Variants in TMEM45A observed in about 807,000 individuals in gnomAD.
The protein encoded by TMEM45A is transmembrane protein 45A.
TMEM45A carries 25 observed loss-of-function variants against 32.0 expected under a neutral mutation model. The ratio of observed to expected loss-of-function variants is 0.78; its 90% CI spans 0.57 to 1.09. TMEM45A has a LOEUF of 1.09. Ranked by LOEUF, TMEM45A falls within the 50% of genes least tolerant of loss-of-function variation. The pLI is 0.00. For synonymous variants in TMEM45A, 122 were observed against 114.8 expected (o/e 1.06, Z -0.40); for missense variants, 302 against 325.0 (o/e 0.93, Z 0.54).
chr3:100,573,965 G>T (rs1452233092), intron 5 of TMEM45A: 1 of 152,152 alleles, frequency 6.6e-6, no homozygotes, highest in Non-Finnish European at 1.5e-5. Flanking sequence ...GATCATGGTG[G>T]ATAAGCTTTT....
intron 5 of TMEM45A, chr3:100,574,068 G>A (rs1468424178): frequency 6.6e-6 from 1 of 152,060 alleles, no homozygotes; most frequent in African/African-American, 2.4e-5. Flanking sequence ...TTCTTTTTTG[G>A]TTATGTCTCT....
intron 4 of TMEM45A, among the ~76,000 whole-genome samples, chr3:100,565,793 A>G (rs1267987891): frequency 1.3e-5 from 2 of 152,140 alleles, no homozygotes; most frequent in African/African-American, 4.8e-5. Flanking sequence ...TTCCTAACAT[A>G]ACATTAATAT....
At chr3:100,568,606 T>A (rs1706491757) in intron 4 of TMEM45A, among the ~76,000 whole-genome samples, 1 of 152,214 alleles carries the variant, frequency 6.6e-6, no homozygotes, top group Non-Finnish European at 1.5e-5. Flanking sequence ...TGAAAACTGA[T>A]CATTAAATGT....
At chr3:100,569,681 T>A (rs1396203211) in intron 5 of TMEM45A, among the ~76,000 whole-genome samples, 6 of 152,198 alleles carry the variant, frequency 3.9e-5, no homozygotes, top group Non-Finnish European at 2.9e-5. Context: ...CAATAAATAT[T>A]ATTGTCTTGT....
intron 1 of TMEM45A, among the ~76,000 whole-genome samples, chr3:100,544,344 C>T (rs900693557): frequency 6.6e-6 from 1 of 152,130 alleles, no homozygotes; most frequent in Admixed American, 6.6e-5. Context: ...GATATTTCTT[C>T]CCTTCTTTTC....
intron 4 of TMEM45A, among the ~76,000 whole-genome samples, chr3:100,565,854 C>G (rs1706423098): frequency 6.6e-6 from 1 of 152,012 alleles, no homozygotes. Context: ...ATGTTGTGCC[C>G]CCATCAGCTC....
At chr3:100,493,844 G>T (rs1207286695) in intron 1 of TMEM45A, among the ~76,000 whole-genome samples, 3 of 152,190 alleles carry the variant, frequency 2.0e-5, no homozygotes, top group African/African-American at 7.2e-5. Context: ...TGATTCTCCT[G>T]ACTCAGCCTC....
At chr3:100,526,588 A>C (rs1705549992) in intron 1 of TMEM45A, among the ~76,000 whole-genome samples, 1 of 152,222 alleles carries the variant, frequency 6.6e-6, no homozygotes, top group African/African-American at 2.4e-5. Context: ...ATGAGGCTAA[A>C]AGTAATTTGT....
chr3:100,563,751 G>T (rs570048619), intron 4 of TMEM45A, among the ~76,000 whole-genome samples: 167 of 152,268 alleles, frequency 1.1e-3, no homozygotes, highest in African/African-American at 3.7e-3. Flanking sequence ...TCTTCCGGGG[G>T]CTTCAGGGAC....
chr3:100,510,059 T>C (rs1363695838), intron 1 of TMEM45A, among the ~76,000 whole-genome samples: 2 of 152,138 alleles, frequency 1.3e-5, no homozygotes, highest in Non-Finnish European at 2.9e-5. Context: ...CCCGCCATTG[T>C]CCAGGCTTGC....
At chr3:100,533,680 C>T (rs1576275095) in intron 1 of TMEM45A, among the ~76,000 whole-genome samples, 1 of 152,072 alleles carries the variant, frequency 6.6e-6, no homozygotes, top group East Asian at 1.9e-4. Flanking sequence ...TGGGTTCCTG[C>T]CTGAGGAAGA....
At chr3:100,525,308 A>T (rs1018387269) in intron 1 of TMEM45A, among the ~76,000 whole-genome samples, 1 of 152,210 alleles carries the variant, frequency 6.6e-6, no homozygotes, top group Non-Finnish European at 1.5e-5. Flanking sequence ...AAAATATATT[A>T]TTAAGCTTAA....
intron 3 of TMEM45A, 95 bp from the exon 4 acceptor site, chr3:100,558,308 GTA>G: frequency 2.1e-6 from 3 of 1,445,432 alleles, no homozygotes. Flanking sequence ...ACAAATGTGT[GTA>G]TGTGTAAAAT....
chr3:100,496,585 A>G (rs1053341136), intron 1 of TMEM45A, among the ~76,000 whole-genome samples: 3 of 152,360 alleles, frequency 2.0e-5, no homozygotes, highest in East Asian at 1.9e-4. Context: ...GAGAAAGGGC[A>G]TATTTGGAGA....
intron 1 of TMEM45A, among the ~76,000 whole-genome samples, chr3:100,522,092 G>A (rs1246218736): frequency 2.0e-5 from 3 of 152,004 alleles, no homozygotes; most frequent in Non-Finnish European, 2.9e-5. Flanking sequence ...GAGAGTAACT[G>A]TTGGGGGTGG....
intron 1 of TMEM45A, chr3:100,519,506 G>A (rs1705390539): frequency 2.6e-6 from 4 of 1,529,428 alleles, no homozygotes; most frequent in African/African-American, 1.4e-5. Flanking sequence ...AATTTTGGCT[G>A]CTTCATTCTT....
chr3:100,506,092 G>A (rs912449774), intron 1 of TMEM45A, among the ~76,000 whole-genome samples: 2 of 152,158 alleles, frequency 1.3e-5, no homozygotes, highest in African/African-American at 4.8e-5. Context: ...GGCCAAGCTT[G>A]TGGGGGGAAG....
chr3:100,569,003 C>A, intron 5 of TMEM45A, 36 bp downstream of exon 5: 1 of 1,589,100 alleles, frequency 6.3e-7, no homozygotes, highest in Non-Finnish European at 8.6e-7. Context: ...AAGTTCTGTT[C>A]CTTGGTATGT....
At chr3:100,537,458 G>T (rs569571978) in intron 1 of TMEM45A, among the ~76,000 whole-genome samples, 16 of 152,192 alleles carry the variant, frequency 1.1e-4, no homozygotes, top group African/African-American at 3.1e-4. Flanking sequence ...TCCACCTTCC[G>T]CACACAAGGA....
Sources: gnomAD v4.1 joint callset for allele counts (sites outside exome capture counted in the v4.1 genomes callset) on GRCh38, gnomAD v4.1.1 for gene constraint, MANE v1.5 for transcripts, NCBI Gene and HGNC (gene_info 2026-07-23, HGNC 2026-07-21) for gene names.